Variants in MAP4K3 observed in about 807,000 individuals in gnomAD.
MAP4K3 encodes mitogen-activated protein kinase kinase kinase kinase 3, also known as MAPK/ERK kinase kinase kinase 3.
Under a neutral mutation model 143.5 loss-of-function variants are expected in MAP4K3, and 94 were observed. The ratio of observed to expected loss-of-function variants is 0.65; its 90% confidence interval spans 0.55 to 0.78. MAP4K3 has a LOEUF of 0.78. Among genes scored for constraint, MAP4K3 ranks in the 30% least tolerant of loss-of-function variants. The probability of loss-of-function intolerance (pLI) is 0.00; values close to 1 mark genes in which losing one functional copy is unlikely to be tolerated. For synonymous variants in MAP4K3, 416 were observed against 347.2 expected (o/e 1.20, Z -2.20); for missense variants, 1,077 against 1,068.1 (o/e 1.01, Z -0.12).
intron 32 of MAP4K3, among the ~76,000 whole-genome samples, chr2:39,253,074 C>T (rs3770675): frequency 0.88 from 134,493 of 152,260 alleles, 59,563 homozygotes; most frequent in Non-Finnish European, 0.91. Context: ...CAGTTCCTCA[C>T]GTGATTTTAG....
intron 1 of MAP4K3, among the ~76,000 whole-genome samples, chr2:39,428,960 C>T (rs982417064): frequency 2.8e-5 from 4 of 140,690 alleles, no homozygotes; most frequent in Non-Finnish European, 4.5e-5. Flanking sequence ...CCCAGCTACT[C>T]GGGAGGCTGA....
At chr2:39,360,055 G>A (rs537703482) in intron 2 of MAP4K3, among the ~76,000 whole-genome samples, 1 of 152,240 alleles carries the variant, frequency 6.6e-6, no homozygotes, top group Non-Finnish European at 1.5e-5. Context: ...TGAGGAAAAT[G>A]AGGTTTTCTT....
rs545705265 is a variant in MAP4K3 at position 39,352,274 on chromosome 2, G to C, written c.245+3975C>G. Among the ~76,000 whole-genome samples the C allele has an allele frequency of 1.3e-4, 20 of 152,264 alleles. No individual in the cohort carries two copies. The South Asian group carries it at 3.7e-3, about 28-fold the overall frequency. On this transcript the variant is annotated intron_variant, in intron 3 of 33. Coordinates refer to ENST00000263881, the MANE Select transcript of MAP4K3 (RefSeq NM_003618.4). ...CCACTGCACAGCAGCCTGGGCGACA[G>C]AGCCAGACTCTGTATCAAAAAAAAT...
At chr2:39,254,305 G>A (rs1680262125) in intron 32 of MAP4K3, 145 bp downstream of exon 32, 2 of 602,416 alleles carry the variant, frequency 3.3e-6, no homozygotes, top group Non-Finnish European at 5.9e-6. Flanking sequence ...TAGAGTATGG[G>A]CTACTGACTT....
At chr2:39,376,958 T>A (rs575163430) in intron 2 of MAP4K3, among the ~76,000 whole-genome samples, 1 of 152,288 alleles carries the variant, frequency 6.6e-6, no homozygotes, top group African/African-American at 2.4e-5. Context: ...CTTGCGATGT[T>A]TAGAATATAA....
intron 12 of MAP4K3, among the ~76,000 whole-genome samples, chr2:39,317,528 AT>A (rs1431845606): frequency 1.3e-5 from 2 of 152,162 alleles, no homozygotes; most frequent in African/African-American, 4.8e-5. Flanking sequence ...CCGAGATCTA[AT>A]ATCCTGAATC....
At chr2:39,301,153 A>G (rs1682496675) in intron 15 of MAP4K3, among the ~76,000 whole-genome samples, 1 of 152,224 alleles carries the variant, frequency 6.6e-6, no homozygotes. Context: ...GATGAAAATT[A>G]AAATCAAAAT....
intron 12 of MAP4K3, among the ~76,000 whole-genome samples, chr2:39,317,132 G>A (rs1396328577): frequency 6.6e-6 from 1 of 151,912 alleles, no homozygotes; most frequent in Non-Finnish European, 1.5e-5. Flanking sequence ...TCTGATCTTC[G>A]ACAAACCTGA....
chr2:39,378,449 A>C (rs1377157560), intron 1 of MAP4K3, among the ~76,000 whole-genome samples: 1 of 152,186 alleles, frequency 6.6e-6, no homozygotes, highest in Non-Finnish European at 1.5e-5. Context: ...CTCATTTTGC[A>C]AGTGAGGAAA....
At chr2:39,327,225 G>A (rs971987834) in intron 8 of MAP4K3, among the ~76,000 whole-genome samples, 10 of 151,770 alleles carry the variant, frequency 6.6e-5, no homozygotes, top group African/African-American at 1.5e-4. Context: ...CTATTCCGTC[G>A]GGCACCAATA....
chr2:39,259,546 A>G (rs1680481886), intron 29 of MAP4K3, among the ~76,000 whole-genome samples: 1 of 152,186 alleles, frequency 6.6e-6, no homozygotes, highest in African/African-American at 2.4e-5. Flanking sequence ...AAATACATAA[A>G]ATACTTAAAA....
At chr2:39,272,435 T>A in intron 25 of MAP4K3, 35 bp from the exon 26 acceptor site, 1 of 1,599,238 alleles carries the variant, frequency 6.3e-7, no homozygotes, top group African/African-American at 1.3e-5. Flanking sequence ...TAAAAGCTAA[T>A]AATAAATAGT....
Position 39,292,835 on chromosome 2 carries a change from A to G in MAP4K3, c.1218-9T>C. 1 of 1,607,574 alleles carries G rather than the reference A, an allele frequency of 6.2e-7. No individual in the cohort carries two copies. Among genetic ancestry groups the G allele is most frequent in the African/African-American group, 1.3e-5 (1 of 74,922 alleles). ...AATGTGCGACGTGTCCTCTAAATAA[A>G]AAGGATAATGTCATTGTTATTAAAT... On this transcript the variant is annotated splice_polypyrimidine_tract_variant and intron_variant, in intron 17 of 33. Coordinates refer to ENST00000263881, the MANE Select transcript of MAP4K3 (RefSeq NM_003618.4).
chr2:39,312,653 G>A (rs1203980967), intron 13 of MAP4K3, among the ~76,000 whole-genome samples: 2 of 152,186 alleles, frequency 1.3e-5, no homozygotes, highest in African/African-American at 4.8e-5. Context: ...TAATGGCTCA[G>A]ATATCAAATG....
rs191458571 is a variant in MAP4K3 at position 39,274,279 on chromosome 2, C to A, written c.1795-1737G>T. Among the ~76,000 whole-genome samples, 459 of 150,114 alleles carry A rather than the reference C, an allele frequency of 3.1e-3. 3 individuals carry two copies. Among genetic ancestry groups the A allele is most frequent in the African/African-American group, 0.011 (440 of 40,822 alleles). On this transcript the variant is annotated intron_variant, in intron 24 of 33. Coordinates refer to ENST00000263881, the MANE Select transcript of MAP4K3 (RefSeq NM_003618.4). ...TTGCCCAGGCTGGAGTGCAGTGGCG[C>A]GATCTCCGCTCACTGCAAGCTCCGC...
At chr2:39,279,946 T>A (rs1489315233) in intron 23 of MAP4K3, among the ~76,000 whole-genome samples, 1 of 151,848 alleles carries the variant, frequency 6.6e-6, no homozygotes, top group Non-Finnish European at 1.5e-5. Flanking sequence ...GAGCAAAACA[T>A]TTTCCCTATA....
intron 3 of MAP4K3, among the ~76,000 whole-genome samples, chr2:39,349,895 T>C (rs1665403950): frequency 6.6e-6 from 1 of 152,234 alleles, no homozygotes; most frequent in Non-Finnish European, 1.5e-5. Context: ...TAATGATCTA[T>C]AGAAAATATC....
intron 12 of MAP4K3, among the ~76,000 whole-genome samples, chr2:39,319,431 G>A (rs1450807586): frequency 6.6e-6 from 1 of 152,080 alleles, no homozygotes; most frequent in South Asian, 2.1e-4. Flanking sequence ...CCATGTATAC[G>A]GAGGACCAAC....
At chr2:39,369,212 T>TTTGTTTTTTTTTTTTTGAGATGCAG (rs1666013882) in intron 2 of MAP4K3, among the ~76,000 whole-genome samples, 1 of 135,148 alleles carries the variant, frequency 7.4e-6, no homozygotes, top group African/African-American at 3.1e-5. Flanking sequence ...TTTGTTTTTT[T>TTTGTTTTTTTTTTTTTGAGATGCAG]TGAGATGCAG....
Sources: gnomAD v4.1 joint callset for allele counts (sites outside exome capture counted in the v4.1 genomes callset) on GRCh38, gnomAD v4.1.1 for gene constraint, MANE v1.5 for transcripts, NCBI Gene and HGNC (gene_info 2026-07-23, HGNC 2026-07-21) for gene names.